The following PDE12 variants were observed in gnomAD, a reference collection of about 807,000 sequenced individuals.
PDE12 encodes the protein 2',5'-phosphodiesterase 12.
A neutral mutation model predicts 45.4 loss-of-function variants in PDE12; 26 were observed. That is an observed-to-expected ratio of 0.57 (90% CI 0.42 to 0.79). The LOEUF (loss-of-function observed/expected upper bound fraction) is 0.79, where lower values mean the gene tolerates loss of function less well. PDE12 is among the 30% of genes least tolerant of loss of function. The probability of loss-of-function intolerance (pLI) is 0.00; values close to 1 mark genes in which losing one functional copy is unlikely to be tolerated. For synonymous variants in PDE12, 283 were observed against 323.9 expected (o/e 0.87, Z 1.36); for missense variants, 668 against 790.0 (o/e 0.85, Z 1.85).
chr3:57,613,024 A>G, the PDE12 span, among the ~76,000 whole-genome samples: 1 of 152,134 alleles, frequency 6.6e-6, no homozygotes, highest in East Asian at 1.9e-4. Flanking sequence ...TCTGTTACCC[A>G]GGCTGGAGTC....
At chr3:57,591,300 A>G in the PDE12 span, among the ~76,000 whole-genome samples, 2 of 152,182 alleles carry the variant, frequency 1.3e-5, no homozygotes, top group African/African-American at 4.8e-5. Flanking sequence ...CCTAATTTTT[A>G]TCATCTGATG....
At chr3:57,613,796 G>T in the PDE12 span, among the ~76,000 whole-genome samples, 2 of 150,812 alleles carry the variant, frequency 1.3e-5, no homozygotes, top group Non-Finnish European at 3.0e-5. Flanking sequence ...AGCTACTTGG[G>T]AGGCTGAGGC....
At chr3:57,605,914 T>C in the PDE12 span, among the ~76,000 whole-genome samples, 3 of 152,012 alleles carry the variant, frequency 2.0e-5, no homozygotes, top group Admixed American at 2.0e-4. Context: ...ATTAATAAAC[T>C]TAAACTCATA....
At chr3:57,609,299 G>A in the PDE12 span, among the ~76,000 whole-genome samples, 20,230 of 152,112 alleles carry the variant, frequency 0.13, 1,450 homozygotes, top group South Asian at 0.22. Flanking sequence ...GTCTAAAATT[G>A]ACACCCTAAC....
chr3:57,568,911 C>T (rs1048238046), downstream of PDE12, among the ~76,000 whole-genome samples: 5 of 150,958 alleles, frequency 3.3e-5, no homozygotes, highest in African/African-American at 9.8e-5. Flanking sequence ...AGCAGATAAT[C>T]GTACTATCCT....
the PDE12 span, among the ~76,000 whole-genome samples, chr3:57,632,064 A>C: frequency 7.4e-5 from 9 of 122,018 alleles, no homozygotes; most frequent in South Asian, 2.1e-3. Flanking sequence ...TCTTTCGCCC[A>C]GGCTGAGTGC....
chr3:57,633,385 T>G, the PDE12 span: 1 of 1,550,656 alleles, frequency 6.4e-7, no homozygotes, highest in Non-Finnish European at 8.9e-7. Flanking sequence ...GAATCTGTAT[T>G]CTAGTGTTGG....
chr3:57,630,813 T>C, the PDE12 span: 4 of 1,613,946 alleles, frequency 2.5e-6, no homozygotes, highest in African/African-American at 1.3e-5. Context: ...ACTGTCTTAA[T>C]TGAGGTGGAC....
chr3:57,634,869 G>T, the PDE12 span: 1 of 966,222 alleles, frequency 1.0e-6, no homozygotes, highest in Non-Finnish European at 1.4e-6. Context: ...ACTTAAGTAT[G>T]TTATAATGAA....
rs900608816 is a variant in PDE12 at position 57,560,570 on chromosome 3, C to T, written c.*566C>T. 3.9e-6 allele frequency: 3 copies of T among 777,094 alleles called. No individual in the cohort carries two copies. The highest frequency in any genetic ancestry group is 4.7e-6 in the Non-Finnish European group (3 of 640,082). 48.1% of individuals were successfully genotyped at this position (777,094 alleles called of 1,614,324 possible). On this transcript the variant is annotated 3_prime_UTR_variant, in exon 3 of 3. Coordinates refer to ENST00000311180, the MANE Select transcript of PDE12 (RefSeq NM_177966.7). ...TGAACTCCTGACCTCAGGTGATCCA[C>T]CCACCTCGGCCTCCCAAAGTGTTGG...
At chr3:57,593,762 C>A in the PDE12 span, among the ~76,000 whole-genome samples, 4 of 152,114 alleles carry the variant, frequency 2.6e-5, no homozygotes, top group African/African-American at 4.8e-5. Context: ...TGCAGCCAGG[C>A]TCAGTGGCTC....
At chr3:57,631,974 G>A in the PDE12 span, among the ~76,000 whole-genome samples, 3 of 144,364 alleles carry the variant, frequency 2.1e-5, no homozygotes, top group South Asian at 2.2e-4. Context: ...CGCCCGCCTC[G>A]GCCTCCCAAA....
Position 57,560,333 on chromosome 3 carries a change from T to C in PDE12, c.*329T>C. The stretch of plus-strand genomic sequence containing the variant: ...TGTTTGTTTGTTTTTGTTTTTGTTT[T>C]TGTTTTTTTGAGATGGAGTTTCACT... On this transcript the variant is annotated 3_prime_UTR_variant, in exon 3 of 3. Coordinates refer to ENST00000311180, the MANE Select transcript of PDE12 (RefSeq NM_177966.7). The C allele has an allele frequency of 9.4e-7, 1 of 1,065,106 alleles. No individual in the cohort carries two copies. The highest frequency in any genetic ancestry group is 1.1e-6 in the Non-Finnish European group (1 of 874,244). The allele number at this position is 1,065,106 out of a possible 1,614,324, so 66.0% of individuals were successfully genotyped here. A position where few individuals can be genotyped will look rare whatever the true frequency, so the allele number is the denominator to read the frequency against.
At chr3:57,581,995 A>G in the PDE12 span, among the ~76,000 whole-genome samples, 1 of 152,168 alleles carries the variant, frequency 6.6e-6, no homozygotes, top group Non-Finnish European at 1.5e-5. Context: ...AACATAACAA[A>G]GAAAAAACTC....
At chr3:57,595,094 T>C in the PDE12 span, among the ~76,000 whole-genome samples, 23 of 152,326 alleles carry the variant, frequency 1.5e-4, no homozygotes, top group African/African-American at 4.8e-4. Flanking sequence ...AACTTAAATA[T>C]TTTTTCTCTC....
chr3:57,623,453 T>C, the PDE12 span, among the ~76,000 whole-genome samples: 2 of 151,620 alleles, frequency 1.3e-5, no homozygotes, highest in Non-Finnish European at 2.9e-5. Context: ...CTGAGGCGGG[T>C]GGATCACCTA....
At chr3:57,593,773 G>A in the PDE12 span, among the ~76,000 whole-genome samples, 2 of 151,972 alleles carry the variant, frequency 1.3e-5, no homozygotes, top group African/African-American at 2.4e-5. Flanking sequence ...TCAGTGGCTC[G>A]CCCTGTAACC....
chr3:57,625,546 G>A, the PDE12 span: 1 of 152,376 alleles, frequency 6.6e-6, no homozygotes, highest in Non-Finnish European at 1.5e-5. Context: ...GAAGGCACTA[G>A]GCATTACATA....
At chr3:57,648,494 G>A in the PDE12 span, among the ~76,000 whole-genome samples, 11 of 151,774 alleles carry the variant, frequency 7.2e-5, no homozygotes, top group South Asian at 2.1e-4. Flanking sequence ...CCCATCATTC[G>A]TCACAGAACT....
Sources: gnomAD v4.1 joint callset for allele counts (sites outside exome capture counted in the v4.1 genomes callset) on GRCh38, gnomAD v4.1.1 for gene constraint, MANE v1.5 for transcripts, NCBI Gene and HGNC (gene_info 2026-07-23, HGNC 2026-07-21) for gene names.